MED12L: variants seen among roughly 807,000 people sequenced by gnomAD.
MED12L encodes the protein mediator complex subunit 12L, also known as mediator of RNA polymerase II transcription subunit 12-like protein.
In MED12L, 60 loss-of-function variants were observed where a neutral mutation model predicts 281.3. The ratio of observed to expected loss-of-function variants is 0.21; its 90% confidence interval spans 0.17 to 0.26. MED12L has a LOEUF of 0.26. Ranked by LOEUF, MED12L falls within the 10% of genes least tolerant of loss-of-function variation. MED12L has a pLI of 1.00. For missense variants in MED12L, 2,146 were observed against 2,680.9 expected, an observed-to-expected ratio of 0.80 and a Z score of 4.41; for synonymous variants, 974 against 987.2, an observed-to-expected ratio of 0.99 and a Z score of 0.25.
At chr3:151,311,633 A>G (rs1029514290) in intron 16 of MED12L, among the ~76,000 whole-genome samples, 17 of 152,190 alleles carry the variant, frequency 1.1e-4, no homozygotes, top group Admixed American at 7.2e-4. Flanking sequence ...CTAGAATACA[A>G]TTGTAGCTGC....
intron 16 of MED12L, among the ~76,000 whole-genome samples, chr3:151,200,290 A>G (rs1404086632): frequency 1.3e-5 from 2 of 152,180 alleles, no homozygotes; most frequent in East Asian, 1.9e-4. Context: ...GACCTGGTCT[A>G]TTCAAACTCA....
At chr3:151,158,203 A>G (rs1328373110) in intron 6 of MED12L, among the ~76,000 whole-genome samples, 1 of 152,112 alleles carries the variant, frequency 6.6e-6, no homozygotes, top group East Asian at 1.9e-4. Flanking sequence ...TTGATTTTTA[A>G]GGTTGTATTT....
At chr3:151,430,091 G>C (rs1247235315) in intron 43 of MED12L, among the ~76,000 whole-genome samples, 1 of 152,166 alleles carries the variant, frequency 6.6e-6, no homozygotes, top group African/African-American at 2.4e-5. Context: ...CCTGGAGCTT[G>C]GGTTCCTGAA....
At position 151,120,056 on chromosome 3, in the gene MED12L, T is replaced by TAA. The variant is rs35163584; in HGVS notation, c.205-2709_205-2708dup. ...CAACACGGTGAAACCCTGTCTCTAC[T>TAA]AAAAAAAAAAAAAAAAAAATTAGCT... On this transcript the variant is annotated intron_variant, in intron 3 of 44. Transcript: ENST00000687756. Among the ~76,000 whole-genome samples the TAA allele has an allele frequency of 9.0e-4, 107 of 118,364 alleles. 1 individual carries two copies. The highest frequency in any genetic ancestry group is 1.6e-3 in the Admixed American group (19 of 11,750). The allele number at this position is 118,364 out of a possible 152,430, so 77.7% of individuals were successfully genotyped here. A position where few individuals can be genotyped will look rare whatever the true frequency, so the allele number is the denominator to read the frequency against.
At chr3:151,329,014 C>A (rs770957622) in intron 16 of MED12L, 5 of 1,562,678 alleles carry the variant, frequency 3.2e-6, no homozygotes, top group Non-Finnish European at 4.3e-6. Context: ...TCACCTGTTA[C>A]CAATAAACAT....
At chr3:151,290,782 A>G (rs1246478683) in intron 16 of MED12L, among the ~76,000 whole-genome samples, 1 of 152,218 alleles carries the variant, frequency 6.6e-6, no homozygotes, top group African/African-American at 2.4e-5. Context: ...GGAAAACTTT[A>G]GCAAAGTGCT....
intron 21 of MED12L, among the ~76,000 whole-genome samples, chr3:151,362,689 A>C (rs951610686): frequency 1.3e-5 from 2 of 152,100 alleles, no homozygotes; most frequent in Non-Finnish European, 2.9e-5. Flanking sequence ...AGTGTCTTGA[A>C]GAGTATGTGG....
intron 2 of MED12L, among the ~76,000 whole-genome samples, chr3:151,100,494 CGTT>C (rs1721260188): frequency 6.6e-6 from 1 of 152,118 alleles, no homozygotes. Flanking sequence ...CTAAGATGCT[CGTT>C]TACTTAAAGG....
chr3:151,337,771 G>A (rs751585775), intron 16 of MED12L: 6 of 1,580,854 alleles, frequency 3.8e-6, no homozygotes, highest in East Asian at 2.2e-5. Flanking sequence ...TTGCTTTAAC[G>A]AGTTCTGAAC....
chr3:151,294,436 C>G (rs199886869), intron 16 of MED12L: 1 of 1,614,208 alleles, frequency 6.2e-7, no homozygotes, highest in Non-Finnish European at 8.5e-7. Context: ...GAATTCTGCA[C>G]AAGTGATATG....
chr3:151,384,722 G>A (rs1408043912), intron 35 of MED12L: 1 of 270,542 alleles, frequency 3.7e-6, no homozygotes, highest in Admixed American at 5.6e-5. Context: ...ATGAGAAAGT[G>A]TTCTGTTCTG....
At chr3:151,109,247 G>T (rs1441226753) in intron 2 of MED12L, among the ~76,000 whole-genome samples, 1 of 152,122 alleles carries the variant, frequency 6.6e-6, no homozygotes, top group Non-Finnish European at 1.5e-5. Context: ...AGTAGAGACG[G>T]GGTTTCACCG....
At chr3:151,319,450 G>GGT (rs745624176) in intron 16 of MED12L, among the ~76,000 whole-genome samples, 2,389 of 126,944 alleles carry the variant, frequency 0.019, 58 homozygotes, top group African/African-American at 0.062. Flanking sequence ...AGAACATCCA[G>GGT]GTGTGTGTGT....
intron 16 of MED12L, among the ~76,000 whole-genome samples, chr3:151,267,905 C>T (rs1447530716): frequency 1.3e-5 from 2 of 152,038 alleles, no homozygotes; most frequent in African/African-American, 4.8e-5. Flanking sequence ...TTTCTTTGTA[C>T]GTAGAGTATT....
intron 23 of MED12L, among the ~76,000 whole-genome samples, chr3:151,366,270 A>G (rs962554000): frequency 4.6e-5 from 7 of 152,142 alleles, no homozygotes; most frequent in Non-Finnish European, 7.4e-5. Flanking sequence ...TTTCTTCCAT[A>G]TGGATGGTCT....
intron 16 of MED12L, among the ~76,000 whole-genome samples, chr3:151,331,932 C>T (rs530748944): frequency 3.3e-5 from 5 of 152,314 alleles, no homozygotes; most frequent in African/African-American, 1.2e-4. Context: ...TGCTTGGAAC[C>T]TGCCTCACTC....
rs1227357734 is a variant in MED12L at position 151,365,922 on chromosome 3, G to T, written c.3258G>T (p.Gly1086=). The change falls in exon 23 of 45, where the codon GGG becomes GGT. Residue 1086 remains glycine, a synonymous_variant. Transcript: ENST00000687756. ...CCTVLSSEWL[G]VLKALCCSSN... ...CTGTTCTTAGTTCAGAATGGCTGGG[G>T]GTTCTGAAGGCTCTTTGTTGTTCTT... 1 of 1,613,574 alleles carries T rather than the reference G, an allele frequency of 6.2e-7. No homozygotes were observed. The highest frequency in any genetic ancestry group is 8.5e-7 in the Non-Finnish European group (1 of 1,179,634).
chr3:151,128,065 C>G (rs1386583520), intron 5 of MED12L, 81 bp downstream of exon 5: 28 of 1,270,716 alleles, frequency 2.2e-5, no homozygotes, highest in Non-Finnish European at 3.1e-5. Context: ...TGGATACAGC[C>G]CAGCATGGTG....
intron 16 of MED12L, among the ~76,000 whole-genome samples, chr3:151,197,652 A>G (rs1375899017): frequency 2.6e-5 from 4 of 152,226 alleles, no homozygotes; most frequent in Non-Finnish European, 4.4e-5. Flanking sequence ...GTTCCAAAAC[A>G]CTAGTTTCAG....
Sources: allele counts gnomAD v4.1 joint callset (sites outside exome capture counted in the v4.1 genomes callset), GRCh38; gene constraint gnomAD v4.1.1; transcripts MANE v1.5; gene names NCBI Gene and HGNC (gene_info 2026-07-23, HGNC 2026-07-21).